Variants in NCOA7 observed in about 807,000 individuals in gnomAD.
The protein encoded by NCOA7 is nuclear receptor coactivator 7.
In NCOA7, 45 loss-of-function variants were observed where a neutral mutation model predicts 104.3. That is an observed-to-expected ratio of 0.43 (90% CI 0.34 to 0.55). The LOEUF is 0.55. NCOA7 is among the 20% of genes least tolerant of loss of function. The pLI, the probability that NCOA7 is intolerant of heterozygous loss-of-function variation, is 0.02. For missense variants in NCOA7, 1,041 were observed against 1,119.7 expected, an observed-to-expected ratio of 0.93 and a Z score of 1.00; for synonymous variants, 398 against 402.3, an observed-to-expected ratio of 0.99 and a Z score of 0.13.
chr6:125,814,697 G>A (rs564893642), intron 1 of NCOA7, among the ~76,000 whole-genome samples: 2 of 152,118 alleles, frequency 1.3e-5, no homozygotes, highest in African/African-American at 2.4e-5. Flanking sequence ...GGTGAGGGTC[G>A]CAGGGGTGGA....
chr6:125,849,748 T>G (rs187831064), intron 2 of NCOA7, among the ~76,000 whole-genome samples: 1 of 152,334 alleles, frequency 6.6e-6, no homozygotes, highest in African/African-American at 2.4e-5. Flanking sequence ...TTAAAACACC[T>G]GTTTTATGTA....
upstream of NCOA7, among the ~76,000 whole-genome samples, chr6:125,789,650 A>C (rs1774650095): frequency 6.6e-6 from 1 of 152,246 alleles, no homozygotes; most frequent in Non-Finnish European, 1.5e-5. Context: ...CTGACGTCTA[A>C]ATTAATACGT....
chr6:125,890,552 A>G (rs1784552432), intron 9 of NCOA7, 90 bp from the exon 10 acceptor site: 1 of 1,252,662 alleles, frequency 8.0e-7, no homozygotes, highest in Admixed American at 2.5e-5. Context: ...TGACTAAGAG[A>G]GGATTGTGCA....
intron 10 of NCOA7, among the ~76,000 whole-genome samples, chr6:125,903,187 CT>C (rs1399070011): frequency 6.6e-6 from 1 of 152,154 alleles, no homozygotes; most frequent in Non-Finnish European, 1.5e-5. Flanking sequence ...ATGAAGAAAT[CT>C]GATTAAGGCC....
chr6:125,856,886 A>G (rs148460667), intron 3 of NCOA7, among the ~76,000 whole-genome samples: 1 of 152,326 alleles, frequency 6.6e-6, no homozygotes, highest in East Asian at 1.9e-4. Flanking sequence ...ATCCATGTTT[A>G]ATGAAACCTT....
intron 11 of NCOA7, among the ~76,000 whole-genome samples, chr6:125,916,900 T>C (rs1258190861): frequency 6.6e-6 from 1 of 152,260 alleles, no homozygotes; most frequent in Non-Finnish European, 1.5e-5. Flanking sequence ...GCTTTTTTGA[T>C]GTATGGTAGA....
chr6:125,854,580 A>G (rs776875475), intron 2 of NCOA7, among the ~76,000 whole-genome samples: 3 of 152,236 alleles, frequency 2.0e-5, no homozygotes, highest in South Asian at 4.1e-4. Flanking sequence ...ATGTGAGCCA[A>G]TTACAAAGGA....
intron 1 of NCOA7, chr6:125,810,387 C>G (rs934266214): frequency 6.6e-6 from 1 of 152,124 alleles, no homozygotes; most frequent in African/African-American, 2.4e-5. Context: ...GAATAATGAA[C>G]TGGATTTAAG....
At chr6:125,915,754 T>G (rs1174720302) in intron 11 of NCOA7, among the ~76,000 whole-genome samples, 1 of 151,604 alleles carries the variant, frequency 6.6e-6, no homozygotes, top group Non-Finnish European at 1.5e-5. Context: ...GCTCAGCAAA[T>G]TTTTTTTTGT....
intron 3 of NCOA7, among the ~76,000 whole-genome samples, chr6:125,866,008 G>A (rs553180411): frequency 7.3e-6 from 1 of 136,656 alleles, no homozygotes; most frequent in Middle Eastern, 3.7e-3. Flanking sequence ...TCTTTAGGCA[G>A]ATATAAGTGC....
intron 5 of NCOA7, 51 bp downstream of exon 5, chr6:125,878,421 T>C (rs753526065): frequency 1.5e-6 from 2 of 1,332,700 alleles, no homozygotes; most frequent in Non-Finnish European, 2.1e-6. Context: ...ATTTATCTTT[T>C]ATTGCCGTTT....
chr6:125,862,376 C>G lies in NCOA7; in HGVS notation c.271+7136C>G, dbSNP rs1413370852. ...AAGGAGCAAAGAAAAAAGAAACAGA[C>G]TTCTTCATAGTGGTGAATGCCAGAG... On this transcript the variant is annotated intron_variant, in intron 3 of 15. Transcript: ENST00000392477. Among the ~76,000 whole-genome samples the G allele has an allele frequency of 1.4e-5, 2 of 138,354 alleles. 1 individual carries two copies. The highest frequency in any genetic ancestry group is 4.4e-4 in the South Asian group (2 of 4,584). 90.8% of individuals were successfully genotyped at this position (138,354 alleles called of 152,430 possible).
At chr6:125,789,147 C>T (rs1774618619), upstream of NCOA7, among the ~76,000 whole-genome samples, 1 of 152,094 alleles carries the variant, frequency 6.6e-6, no homozygotes, top group Non-Finnish European at 1.5e-5. Context: ...ATACATATTC[C>T]TATAATCAAG....
chr6:125,783,042 C>A (rs535128042), intron 1 of NCOA7, among the ~76,000 whole-genome samples: 1 of 152,310 alleles, frequency 6.6e-6, no homozygotes, highest in African/African-American at 2.4e-5. Context: ...GGAAGGGGAA[C>A]CACAAGCCAA....
At position 125,921,999 on chromosome 6, in the gene NCOA7, A is replaced by T. The variant is rs576606844; in HGVS notation, c.2371-683A>T. Reference sequence around the variant, plus strand: ...TTAAGTTTGGCTCCCTAGTTTACTGAGGAACCAGTAAAGACCCAAGACAGC... The same window carrying T: ...TTAAGTTTGGCTCCCTAGTTTACTGTGGAACCAGTAAAGACCCAAGACAGC... On this transcript the variant is annotated intron_variant, in intron 12 of 15. Coordinates refer to ENST00000392477, the MANE Select transcript of NCOA7 (RefSeq NM_181782.5). Among the ~76,000 whole-genome samples the T allele has an allele frequency of 5.9e-5, 9 of 152,338 alleles. No individual in the cohort carries two copies. In the South Asian group the frequency reaches 1.7e-3, roughly 28 times the overall value.
intron 10 of NCOA7, among the ~76,000 whole-genome samples, chr6:125,896,207 G>A (rs934056549): frequency 6.6e-6 from 1 of 151,762 alleles, no homozygotes; most frequent in African/African-American, 2.4e-5. Flanking sequence ...ATCCTTCAGG[G>A]AGTCTTATGA....
intron 2 of NCOA7, among the ~76,000 whole-genome samples, chr6:125,824,883 G>C (rs1304935794): frequency 1.3e-5 from 2 of 152,050 alleles, no homozygotes; most frequent in Non-Finnish European, 2.9e-5. Context: ...CTCAGCCTCT[G>C]GAGTAGCTGG....
chr6:125,822,158 C>T lies in NCOA7; in HGVS notation c.50+6754C>T, dbSNP rs566536896. Among the ~76,000 whole-genome samples the T allele has an allele frequency of 8.9e-4, 135 of 152,290 alleles. 1 individual carries two copies. Among genetic ancestry groups the T allele is most frequent in the African/African-American group, 3.2e-3 (133 of 41,524 alleles). On this transcript the variant is annotated intron_variant, in intron 2 of 15. Transcript: ENST00000392477. ...CTGTTAGAGATTTATCATCTTAAAT[C>T]ATCTTTAGTATGTCTGGCATTTGAG... is the stretch of plus-strand genomic sequence containing the variant.
At position 125,856,502 on chromosome 6, in the gene NCOA7, G is replaced by A. The variant is rs567439393; in HGVS notation, c.271+1262G>A. 2.0e-4 allele frequency among the ~76,000 whole-genome samples: 30 copies of A among 152,030 alleles called. No individual in the cohort carries two copies. In the East Asian group the frequency reaches 2.5e-3, roughly 13 times the overall value. ...CGAGTAGCTGGGACTAGAGGCACCC[G>A]CCACCACGCCCGGCTAATTTTTTGT... is the stretch of plus-strand genomic sequence containing the variant. On this transcript the variant is annotated intron_variant, in intron 3 of 15. Coordinates refer to ENST00000392477, the MANE Select transcript of NCOA7 (RefSeq NM_181782.5).
Sources: allele counts gnomAD v4.1 joint callset (sites outside exome capture counted in the v4.1 genomes callset), GRCh38; gene constraint gnomAD v4.1.1; transcripts MANE v1.5; gene names NCBI Gene and HGNC (gene_info 2026-07-23, HGNC 2026-07-21).